Variants in MDGA2 observed in about 807,000 individuals in gnomAD.
The protein encoded by MDGA2 is MAM domain containing glycosylphosphatidylinositol anchor 2, also known as MAM domain-containing glycosylphosphatidylinositol anchor protein 2.
MDGA2 carries 40 observed loss-of-function variants against 117.8 expected under a neutral mutation model. The observed-to-expected ratio is 0.34, with a 90% CI of 0.26 to 0.44. MDGA2 has a LOEUF of 0.44. Among genes scored for constraint, MDGA2 ranks in the 20% least tolerant of loss-of-function variants. The pLI is 1.00. For synonymous variants in MDGA2, 452 were observed against 439.0 expected, an observed-to-expected ratio of 1.03 and a Z score of -0.37; for missense variants, 1,123 against 1,250.6, an observed-to-expected ratio of 0.90 and a Z score of 1.54.
intron 6 of MDGA2, among the ~76,000 whole-genome samples, chr14:47,068,900 G>A (rs958037337): frequency 1.3e-5 from 2 of 151,950 alleles, no homozygotes; most frequent in South Asian, 2.1e-4. Flanking sequence ...TTTCTGTCTC[G>A]TAAGCGGTGC....
chr14:47,540,474 TTC>T (rs1491127633), intron 1 of MDGA2, among the ~76,000 whole-genome samples: 2 of 151,020 alleles, frequency 1.3e-5, no homozygotes, highest in Admixed American at 6.6e-5. Context: ...CCCCTATTTT[TTC>T]TTTCTGTGTG....
intron 3 of MDGA2, among the ~76,000 whole-genome samples, chr14:47,184,149 TTTC>T (rs1482219403): frequency 6.6e-6 from 1 of 151,974 alleles, no homozygotes; most frequent in Non-Finnish European, 1.5e-5. Flanking sequence ...AAACATTTAT[TTTC>T]TTAAGTTTTA....
At chr14:47,174,138 A>C (rs949045241) in intron 3 of MDGA2, among the ~76,000 whole-genome samples, 2 of 152,200 alleles carry the variant, frequency 1.3e-5, no homozygotes, top group African/African-American at 4.8e-5. Context: ...GAGCACCCAG[A>C]TTCATAAAGC....
intron 1 of MDGA2, among the ~76,000 whole-genome samples, chr14:47,568,232 C>T (rs528208942): frequency 6.6e-6 from 1 of 152,088 alleles, no homozygotes; most frequent in Admixed American, 6.5e-5. Context: ...ACTCCAGTAC[C>T]GCAAGTAAGA....
chr14:47,582,517 T>C (rs768235844), intron 1 of MDGA2, among the ~76,000 whole-genome samples: 2 of 151,952 alleles, frequency 1.3e-5, no homozygotes, highest in South Asian at 2.1e-4. Flanking sequence ...TCATCTTCGA[T>C]GACTCCATGT....
chr14:46,919,996 C>A lies in MDGA2; in HGVS notation c.2238+16G>T. 6.4e-7 allele frequency: 1 copy of A among 1,555,420 alleles called. No homozygotes were observed. ...GAGGACCACAAAGAAAAAAGGACATCAGTTAGATTTCTCACCTGCCTGATG... is the reference window on the plus strand; with the variant it reads ...GAGGACCACAAAGAAAAAAGGACATAAGTTAGATTTCTCACCTGCCTGATG... On this transcript the variant is annotated intron_variant, in intron 10 of 16. Transcript: ENST00000399232.
chr14:47,380,389 A>G (rs1404830382), intron 1 of MDGA2, among the ~76,000 whole-genome samples: 2 of 152,200 alleles, frequency 1.3e-5, no homozygotes, highest in African/African-American at 4.8e-5. Context: ...ACTGACAGAG[A>G]TAGAGACACA....
At chr14:47,114,251 C>A (rs1881201613) in intron 5 of MDGA2, among the ~76,000 whole-genome samples, 1 of 152,200 alleles carries the variant, frequency 6.6e-6, no homozygotes, top group South Asian at 2.1e-4. Context: ...GAACTACAAA[C>A]CACTGTTCAA....
chr14:47,015,902 A>G (rs1217960953), intron 8 of MDGA2, among the ~76,000 whole-genome samples: 1 of 152,074 alleles, frequency 6.6e-6, no homozygotes. Context: ...AAAGAATGAA[A>G]TAAGAATTTG....
Position 46,877,431 on chromosome 14 carries a change from C to T in MDGA2, c.2437+58G>A, listed in dbSNP as rs181217454. ...TAAACAATTTTTGTATATTTATAAA[C>T]ATTATATTTTTGTATTTATTAAATA... On this transcript the variant is annotated intron_variant, in intron 12 of 16. Coordinates refer to ENST00000399232, the MANE Select transcript of MDGA2 (RefSeq NM_001113498.3). The T allele has an allele frequency of 7.1e-5, 69 of 972,114 alleles. No individual in the cohort carries two copies. In the Middle Eastern group the frequency reaches 9.9e-4, roughly 14 times the overall value. The allele number at this position is 972,114 out of a possible 1,614,324, so 60.2% of individuals were successfully genotyped here.
Position 47,131,741 on chromosome 14 carries a change from C to T in MDGA2, c.898G>A (p.Val300Met), listed in dbSNP as rs759090236. Residue 300 changes from valine (V) to methionine (M), a missense_variant, in exon 5 of 17, where the codon GTG becomes ATG. Physicochemically the swap from Val to Met is conservative, Grantham distance 21. This residue lies in a region of MDGA2 where 890 missense variants were observed against 1,050.3 expected (regional missense o/e 0.85). Coordinates refer to ENST00000399232, the MANE Select transcript of MDGA2 (RefSeq NM_001113498.3). Reference protein sequence around the residue: ...RNVCNIPDKMVSFRLSNKTAS... With the variant: ...RNVCNIPDKMMSFRLSNKTAS... ...GTTTTATTGGACAGTCTAAACGACA[C>T]CATCTTATCAGGAATATTACATACA... is the stretch of plus-strand genomic sequence containing the variant. 2 of 1,577,822 alleles carry T rather than the reference C, an allele frequency of 1.3e-6. No homozygotes were observed. The highest frequency in any genetic ancestry group is 8.7e-7 in the Non-Finnish European group (1 of 1,154,080).
rs1880631466 is a variant in MDGA2, at chr14:46,841,958, G to C, written c.3051C>G (p.Leu1017=). 1 of 1,612,416 alleles carries C rather than the reference G, an allele frequency of 6.2e-7. No homozygotes were observed. Among genetic ancestry groups the C allele is most frequent in the Non-Finnish European group, 8.5e-7 (1 of 1,178,864 alleles). ...VHIWLFPIIV[L]ISILSPRR ...ACCTTCGAGGACTTAAGATAGAGATGAGGACGATAATGGGAAAAAGCCATA... is the reference window on the plus strand; with the variant it reads ...ACCTTCGAGGACTTAAGATAGAGATCAGGACGATAATGGGAAAAAGCCATA... Residue 1017 remains leucine (L), a synonymous_variant, in exon 17 of 17, where the codon CTC becomes CTG. Coordinates refer to ENST00000399232, the MANE Select transcript of MDGA2 (RefSeq NM_001113498.3).
At chr14:47,646,363 A>C (rs1257395896) in intron 1 of MDGA2, among the ~76,000 whole-genome samples, 1 of 151,976 alleles carries the variant, frequency 6.6e-6, no homozygotes, top group Non-Finnish European at 1.5e-5. Flanking sequence ...TATAATACTC[A>C]TATATAATAC....
At chr14:47,490,050 G>T (rs1201350076) in intron 1 of MDGA2, among the ~76,000 whole-genome samples, 2 of 152,118 alleles carry the variant, frequency 1.3e-5, no homozygotes, top group Admixed American at 6.6e-5. Flanking sequence ...CAACAAAATT[G>T]AGACAGTGAT....
At chr14:47,617,061 T>A (rs985358819) in intron 1 of MDGA2, among the ~76,000 whole-genome samples, 1 of 152,200 alleles carries the variant, frequency 6.6e-6, no homozygotes, top group African/African-American at 2.4e-5. Context: ...ACTGTTGGTA[T>A]GATCTTGTTA....
chr14:47,138,601 T>C (rs944267503), intron 4 of MDGA2, among the ~76,000 whole-genome samples: 1 of 152,108 alleles, frequency 6.6e-6, no homozygotes, highest in Non-Finnish European at 1.5e-5. Flanking sequence ...GTATATTAGT[T>C]AGTGGCCCTT....
In MDGA2 at chr14:47,119,182, C is replaced by CTCG; in HGVS notation, c.925+12531_925+12532insCGA. Among the ~76,000 whole-genome samples the CTCG allele has an allele frequency of 2.8e-5, 2 of 70,722 alleles. 1 individual carries two copies. The highest frequency in any genetic ancestry group is 7.9e-5 in the Non-Finnish European group (2 of 25,238). The allele number at this position is 70,722 out of a possible 152,430, so 46.4% of individuals were successfully genotyped here. A position where few individuals can be genotyped will look rare whatever the true frequency, so the allele number is the denominator to read the frequency against. On this transcript the variant is annotated intron_variant, in intron 5 of 16. Coordinates refer to ENST00000399232, the MANE Select transcript of MDGA2 (RefSeq NM_001113498.3). ...TCTCCTGCCTCAGCCCCGCCCCCCC[C>CTCG]CCCCCACCCCGTAGCTGGGACTACA...
At chr14:47,003,206 A>G (rs1304684363) in intron 8 of MDGA2, among the ~76,000 whole-genome samples, 2 of 152,118 alleles carry the variant, frequency 1.3e-5, no homozygotes, top group Non-Finnish European at 2.9e-5. Flanking sequence ...TCCTTCATCT[A>G]TTTGTGGACA....
chr14:47,629,594 T>G (rs572744414), intron 1 of MDGA2, among the ~76,000 whole-genome samples: 17 of 152,296 alleles, frequency 1.1e-4, no homozygotes, highest in Non-Finnish European at 2.4e-4. Context: ...TAAGAAGAGA[T>G]GCCTTATACA....
Sources: gnomAD v4.1 joint callset for allele counts (sites outside exome capture counted in the v4.1 genomes callset) on GRCh38, gnomAD v4.1.1 for gene constraint, gnomAD v4.1.1 regional missense constraint, MANE v1.5 for transcripts, NCBI Gene and HGNC (gene_info 2026-07-23, HGNC 2026-07-21) for gene names.